DBF4B: variants seen among roughly 807,000 people sequenced by gnomAD.
The protein encoded by DBF4B is protein DBF4 homolog B.
A neutral mutation model predicts 53.4 loss-of-function variants in DBF4B; 49 were observed. The ratio of observed to expected loss-of-function variants is 0.92; its 90% CI spans 0.73 to 1.16. The LOEUF (loss-of-function observed/expected upper bound fraction) is 1.16. Ranked by LOEUF, DBF4B falls within the 50% of genes most tolerant of loss-of-function variation. The probability of loss-of-function intolerance (pLI) is 0.00; values close to 1 mark genes in which losing one functional copy is unlikely to be tolerated. For missense variants in DBF4B, 692 were observed against 775.0 expected (o/e 0.89, Z 1.27); for synonymous variants, 257 against 288.7 (o/e 0.89, Z 1.11).
In DBF4B at chr17:44,708,667, A is replaced by G. The variant is rs1163627658; in HGVS notation, c.-154A>G. 1.2e-6 allele frequency: 1 copy of G among 858,290 alleles called. No homozygotes were observed. The highest frequency in any genetic ancestry group is 1.7e-5 in the African/African-American group (1 of 57,294). The allele number at this position is 858,290 out of a possible 1,614,324, so 53.2% of individuals were successfully genotyped here. ...GGGGTGGAGCCGGCAGGAAATTTAA[A>G]CTGAAGCCGCGGCCGAAAACGCCAA... On this transcript the variant is annotated 5_prime_UTR_variant, in exon 1 of 14. Coordinates refer to ENST00000315005, the MANE Select transcript of DBF4B (RefSeq NM_145663.3).
In DBF4B at chr17:44,749,192, G is replaced by T. The variant is rs1277870947; in HGVS notation, c.1189+727G>T. 2.3e-6 allele frequency: 3 copies of T among 1,289,824 alleles called. No homozygotes were observed. Among genetic ancestry groups the T allele is most frequent in the Non-Finnish European group, 3.0e-6 (3 of 988,890 alleles). The allele number at this position is 1,289,824 out of a possible 1,614,324, so 79.9% of individuals were successfully genotyped here. A position where few individuals can be genotyped will look rare whatever the true frequency, so the allele number is the denominator to read the frequency against. ...CCCCTGCCAGCCAGTGCGGGAGCCA[G>T]CTGTTCCCGATGCCTCTGGGCCCCC... On this transcript the variant is annotated intron_variant, in intron 13 of 13. Transcript: ENST00000315005. The surrounding 1 kb of genome is among the most constrained non-coding windows in gnomAD (Gnocchi z 4.4).
At chr17:44,748,956 C>T (rs1288034848) in intron 13 of DBF4B, 3 of 1,289,794 alleles carry the variant, frequency 2.3e-6, no homozygotes, top group Non-Finnish European at 3.0e-6. Context: ...CAGCAGAGTT[C>T]TGGGCCACAC....
intron 9 of DBF4B, among the ~76,000 whole-genome samples, chr17:44,739,501 C>A (rs1372304795): frequency 6.6e-6 from 1 of 152,172 alleles, no homozygotes; most frequent in Non-Finnish European, 1.5e-5. Context: ...TTTGGTGGCC[C>A]AAAGGCAAGT....
At chr17:44,708,904 G>A (rs1243936467) in intron 1 of DBF4B, 65 bp downstream of exon 1, 6 of 1,541,498 alleles carry the variant, frequency 3.9e-6, no homozygotes, top group South Asian at 1.2e-5. Flanking sequence ...GGCGAGGTGC[G>A]GAGTCGTGGA....
intron 2 of DBF4B, among the ~76,000 whole-genome samples, chr17:44,718,035 AAAG>A (rs767153722): frequency 1.3e-5 from 2 of 149,842 alleles, no homozygotes; most frequent in African/African-American, 2.4e-5. Flanking sequence ...CAAAAAAAAG[AAAG>A]AAAAGAAAAT....
intron 3 of DBF4B, among the ~76,000 whole-genome samples, 180 bp from the exon 4 acceptor site, chr17:44,729,725 C>CACACAT (rs1568177400): frequency 6.8e-6 from 1 of 146,326 alleles, no homozygotes; most frequent in African/African-American, 2.5e-5. Context: ...CACACACACA[C>CACACAT]ACCCCATTAG....
intron 2 of DBF4B, among the ~76,000 whole-genome samples, chr17:44,715,452 C>T (rs1207284334): frequency 6.6e-6 from 1 of 152,094 alleles, no homozygotes; most frequent in African/African-American, 2.4e-5. Flanking sequence ...CCATCTCAGC[C>T]TCCCAAAGTG....
At chr17:44,737,005 C>T (rs571439444) in intron 8 of DBF4B, 139 bp downstream of exon 8, 13 of 1,035,000 alleles carry the variant, frequency 1.3e-5, no homozygotes, top group African/African-American at 4.8e-5. Context: ...TTTGTGTTTC[C>T]AGGGCCTGGT....
chr17:44,721,626 T>A (rs560711521), intron 2 of DBF4B, among the ~76,000 whole-genome samples: 20 of 152,230 alleles, frequency 1.3e-4, no homozygotes, highest in African/African-American at 4.8e-4. Flanking sequence ...TCCTATCTGG[T>A]TCATTATTAT....
intron 2 of DBF4B, among the ~76,000 whole-genome samples, chr17:44,712,046 G>A (rs1306895353): frequency 5.4e-5 from 8 of 148,152 alleles, no homozygotes; most frequent in African/African-American, 1.2e-4. Context: ...GCAGTGAGCC[G>A]AGACTGTGCC....
At chr17:44,746,053 CAAA>C (rs61654485) in intron 10 of DBF4B, among the ~76,000 whole-genome samples, 67,096 of 110,858 alleles carry the variant, frequency 0.61, 19,086 homozygotes, top group East Asian at 0.74. Context: ...ACTAAAAATA[CAAA>C]AAAAAAAAAA....
At chr17:44,728,002 G>A (rs918153238) in intron 3 of DBF4B, among the ~76,000 whole-genome samples, 1 of 151,548 alleles carries the variant, frequency 6.6e-6, no homozygotes, top group African/African-American at 2.4e-5. Context: ...ACAGGCATGA[G>A]CCACCACACC....
chr17:44,744,045 G>A (rs1008183442), intron 10 of DBF4B, among the ~76,000 whole-genome samples: 2 of 146,720 alleles, frequency 1.4e-5, no homozygotes, highest in African/African-American at 5.1e-5. Flanking sequence ...TTTGAGGCCA[G>A]GAGTTCGAGA....
In DBF4B at chr17:44,751,062, T is replaced by G; in HGVS notation, c.1657T>G (p.Trp553Gly). The G allele has an allele frequency of 6.2e-7, 1 of 1,614,160 alleles. No homozygotes were observed. The highest frequency in any genetic ancestry group is 1.3e-5 in the African/African-American group (1 of 75,034). ...TTACCTGCTGCTCACACAAAGCCTGTGGTGCCGGGTTCGGGTGCCCTCATT... is the reference window on the plus strand; with the variant it reads ...TTACCTGCTGCTCACACAAAGCCTGGGGTGCCGGGTTCGGGTGCCCTCATT... ...YLYLLLTQSL[W>G]CRVRVPSLST... is the part of the protein sequence containing the mutation. The change falls in exon 14 of 14, where the codon TGG (tryptophan) becomes GGG (glycine). Residue 553 changes from tryptophan (W) to glycine (G), a missense_variant. By Grantham distance (184) the Trp-to-Gly change is radical (BLOSUM62 -2). Transcript: ENST00000315005.
intron 3 of DBF4B, among the ~76,000 whole-genome samples, chr17:44,727,319 T>C (rs1974449678): frequency 6.6e-6 from 1 of 151,596 alleles, no homozygotes; most frequent in Admixed American, 6.6e-5. Flanking sequence ...CTCGGGAGGC[T>C]GAGGCACAAC....
In DBF4B at chr17:44,749,882, T is replaced by G. The variant is rs1316434035; in HGVS notation, c.1190-713T>G. The stretch of plus-strand genomic sequence containing the variant: ...TTCCAAAATGACTGTGTTTGTCCCC[T>G]CCCCCAGCCCCCCACGCTCCCGCAC... On this transcript the variant is annotated intron_variant, in intron 13 of 13. Coordinates refer to ENST00000315005, the MANE Select transcript of DBF4B (RefSeq NM_145663.3). This position sits in a 1 kb window ranked among gnomAD's most constrained non-coding sequence, Gnocchi z 4.4. 26 of 1,019,236 alleles carry G rather than the reference T, an allele frequency of 2.6e-5. No homozygotes were observed. Among genetic ancestry groups the G allele is most frequent in the Non-Finnish European group, 2.9e-5 (25 of 850,902 alleles). The allele number at this position is 1,019,236 out of a possible 1,614,324, so 63.1% of individuals were successfully genotyped here. A position where few individuals can be genotyped will look rare whatever the true frequency, so the allele number is the denominator to read the frequency against.
intron 3 of DBF4B, 111 bp downstream of exon 3, chr17:44,723,133 G>T: frequency 7.0e-7 from 1 of 1,421,984 alleles, no homozygotes; most frequent in Non-Finnish European, 9.4e-7. Context: ...TTGAGACAGA[G>T]TCTTGCTCTA....
Position 44,734,077 on chromosome 17 carries a change from G to C in DBF4B, c.557-13G>C. Reference sequence around the variant, plus strand: ...TGGAAGCCTTTGGCACAAACCCTCTGTCTTCTCCACAGAAATGATGATGCA... The same window carrying C: ...TGGAAGCCTTTGGCACAAACCCTCTCTCTTCTCCACAGAAATGATGATGCA... On this transcript the variant is annotated splice_polypyrimidine_tract_variant and intron_variant, in intron 6 of 13. Coordinates refer to ENST00000315005, the MANE Select transcript of DBF4B (RefSeq NM_145663.3). 1.2e-6 allele frequency: 2 copies of C among 1,611,366 alleles called. No homozygotes were observed. The highest frequency in any genetic ancestry group is 1.1e-5 in the South Asian group (1 of 91,030).
Position 44,752,162 on chromosome 17 carries a change from A to G in DBF4B, c.*909A>G. On this transcript the variant is annotated 3_prime_UTR_variant, in exon 14 of 14. Transcript: ENST00000315005. Reference sequence around the variant, plus strand: ...CCTCCAACTCACTGTGACCTCAGAAAAATGCCTTTATTACTCGGGCCTCAG... The same window carrying G: ...CCTCCAACTCACTGTGACCTCAGAAGAATGCCTTTATTACTCGGGCCTCAG... 1 of 641,510 alleles carries G rather than the reference A, an allele frequency of 1.6e-6. No individual in the cohort carries two copies. Among genetic ancestry groups the G allele is most frequent in the Admixed American group, 2.7e-5 (1 of 36,548 alleles). 39.7% of individuals were successfully genotyped at this position (641,510 alleles called of 1,614,324 possible). A position where few individuals can be genotyped will look rare whatever the true frequency, so the allele number is the denominator to read the frequency against.
Sources: gnomAD v4.1 joint callset for allele counts (sites outside exome capture counted in the v4.1 genomes callset) on GRCh38, gnomAD v4.1.1 for gene constraint, Gnocchi (gnomAD v3.1) non-coding constraint, MANE v1.5 for transcripts, NCBI Gene and HGNC (gene_info 2026-07-23, HGNC 2026-07-21) for gene names.